The following MATN2 variants were observed in gnomAD, a reference collection of about 807,000 sequenced individuals.
The protein encoded by MATN2 is matrilin 2.
MATN2 carries 69 observed loss-of-function variants against 103.2 expected under a neutral mutation model. The observed-to-expected ratio is 0.67, with a 90% CI of 0.55 to 0.82. The LOEUF (loss-of-function observed/expected upper bound fraction) is 0.82. Among genes scored for constraint, MATN2 ranks in the 40% least tolerant of loss-of-function variants. The pLI, the probability that MATN2 is intolerant of heterozygous loss-of-function variation, is 0.00. For synonymous variants in MATN2, 429 were observed against 450.2 expected (o/e 0.95, Z 0.60); for missense variants, 1,023 against 1,211.5 (o/e 0.84, Z 2.31).
At chr8:98,034,399 T>A (rs547379742) in intron 18 of MATN2, 3 of 318,538 alleles carry the variant, frequency 9.4e-6, no homozygotes, top group African/African-American at 6.4e-5. Context: ...TCAACTAGTC[T>A]ATAGGGAAAT....
chr8:97,924,649 A>G lies in MATN2; in HGVS notation c.143-6304A>G, dbSNP rs559530005. ...CGCTTGTCGAGGAGTAAGAATGGGA[A>G]CCATCAGTGGCTTGACTTACTGGGC... On this transcript the variant is annotated intron_variant, in intron 2 of 18. Transcript: ENST00000254898. Among the ~76,000 whole-genome samples the G allele has an allele frequency of 2.0e-5, 3 of 151,880 alleles. No homozygotes were observed. In the East Asian group the frequency reaches 5.8e-4, roughly 29 times the overall value.
intron 2 of MATN2, among the ~76,000 whole-genome samples, chr8:97,921,853 C>G (rs556410867): frequency 2.6e-5 from 4 of 152,316 alleles, no homozygotes; most frequent in Admixed American, 2.6e-4. Flanking sequence ...TGCGTACAGC[C>G]GGGGTTCCCA....
intron 5 of MATN2, among the ~76,000 whole-genome samples, chr8:97,978,623 T>C (rs185502043): frequency 1.5e-3 from 233 of 152,358 alleles, no homozygotes; most frequent in Non-Finnish European, 2.8e-3. Flanking sequence ...ATGATTTTGA[T>C]TTGCAATTCT....
intron 7 of MATN2, among the ~76,000 whole-genome samples, chr8:98,000,604 A>AAAAAAAAAACAAAAG (rs1554613598): frequency 7.9e-6 from 1 of 127,208 alleles, no homozygotes; most frequent in Non-Finnish European, 1.7e-5. Context: ...CTCAAAAAAA[A>AAAAAAAAAACAAAAG]AAAAAAGAAA....
At chr8:97,937,180 A>G (rs986416658) in intron 3 of MATN2, among the ~76,000 whole-genome samples, 4 of 152,160 alleles carry the variant, frequency 2.6e-5, no homozygotes, top group African/African-American at 9.7e-5. Context: ...GTACCAACCA[A>G]CAGTGGCCAG....
At chr8:97,912,582 G>A (rs1235258806) in intron 2 of MATN2, among the ~76,000 whole-genome samples, 3 of 152,172 alleles carry the variant, frequency 2.0e-5, no homozygotes, top group Non-Finnish European at 2.9e-5. Flanking sequence ...AAGCAAATTG[G>A]AGGATGAGTA....
At position 98,033,172 on chromosome 8, in the gene MATN2, T is replaced by G; in HGVS notation, c.2712T>G (p.Pro904=). The part of the protein sequence containing the change: ...STQKLSHSTK[P]SGSPLEEKHD... ...AAAAGCTTTCCCATTCAACAAAACCTTCAGGTAATTCCAAGTAAAATATTA... is the reference window on the plus strand; with the variant it reads ...AAAAGCTTTCCCATTCAACAAAACCGTCAGGTAATTCCAAGTAAAATATTA... The change falls in exon 17 of 19, where the codon CCT becomes CCG. Residue 904 remains proline, a synonymous_variant. Transcript: ENST00000254898. The G allele has an allele frequency of 6.3e-7, 1 of 1,598,988 alleles. No individual in the cohort carries two copies. Among genetic ancestry groups the G allele is most frequent in the East Asian group, 2.2e-5 (1 of 44,720 alleles).
At chr8:97,932,965 A>T (rs1196486168) in intron 3 of MATN2, among the ~76,000 whole-genome samples, 1 of 152,214 alleles carries the variant, frequency 6.6e-6, no homozygotes, top group Non-Finnish European at 1.5e-5. Context: ...AGGAGAGGGC[A>T]CCCAGGAGGG....
chr8:97,889,006 G>T (rs974996534), intron 2 of MATN2, among the ~76,000 whole-genome samples: 1 of 152,110 alleles, frequency 6.6e-6, no homozygotes. Flanking sequence ...GCCAACCTTG[G>T]AACATTTCTG....
intron 13 of MATN2, among the ~76,000 whole-genome samples, chr8:98,022,017 G>A (rs1204482724): frequency 1.3e-5 from 2 of 152,170 alleles, no homozygotes; most frequent in African/African-American, 2.4e-5. Flanking sequence ...TTATCTTACA[G>A]ATACGTGCAT....
intron 15 of MATN2, chr8:98,031,379 G>C (rs1451070904): frequency 6.6e-6 from 1 of 152,000 alleles, no homozygotes; most frequent in African/African-American, 2.4e-5. Flanking sequence ...GGGGAGGTGG[G>C]AAAGAAAAAA....
intron 1 of MATN2, among the ~76,000 whole-genome samples, chr8:97,879,793 C>T (rs1212687795): frequency 1.3e-5 from 2 of 152,220 alleles, no homozygotes; most frequent in Non-Finnish European, 2.9e-5. Flanking sequence ...AAGTTACAGA[C>T]AGCATCAGGT....
chr8:97,989,820 G>A (rs1050576872), intron 6 of MATN2, among the ~76,000 whole-genome samples: 1 of 152,088 alleles, frequency 6.6e-6, no homozygotes, highest in African/African-American at 2.4e-5. Flanking sequence ...CAGGACACAA[G>A]ATCAATATAC....
At chr8:98,000,039 C>G (rs1357869250) in intron 7 of MATN2, among the ~76,000 whole-genome samples, 2 of 151,754 alleles carry the variant, frequency 1.3e-5, no homozygotes, top group African/African-American at 2.4e-5. Flanking sequence ...TACCACCATG[C>G]CTGGCTGATT....
chr8:97,996,073 T>C (rs1048813682), intron 7 of MATN2, among the ~76,000 whole-genome samples: 1 of 152,142 alleles, frequency 6.6e-6, no homozygotes, highest in Non-Finnish European at 1.5e-5. Flanking sequence ...GGACTCAAAT[T>C]TGCAGACCCA....
intron 2 of MATN2, among the ~76,000 whole-genome samples, chr8:97,916,316 CA>C (rs1170433304): frequency 3.9e-5 from 6 of 152,116 alleles, no homozygotes; most frequent in African/African-American, 1.4e-4. Context: ...GTGATCTGCC[CA>C]CCTTGGTCTC....
At chr8:97,946,517 A>G (rs1288381568) in intron 4 of MATN2, among the ~76,000 whole-genome samples, 1 of 152,218 alleles carries the variant, frequency 6.6e-6, no homozygotes, top group Non-Finnish European at 1.5e-5. Flanking sequence ...GGGGGAAAGA[A>G]AACCTCATGA....
At chr8:98,002,527 A>T (rs1812823433) in intron 7 of MATN2, among the ~76,000 whole-genome samples, 1 of 152,222 alleles carries the variant, frequency 6.6e-6, no homozygotes, top group Non-Finnish European at 1.5e-5. Context: ...TGATCAGGTT[A>T]ACCTGAGAGA....
chr8:97,915,792 G>T (rs75944857), intron 2 of MATN2, among the ~76,000 whole-genome samples: 1,591 of 152,240 alleles, frequency 0.01, 24 homozygotes, highest in African/African-American at 0.035. Flanking sequence ...TTTTTACTTT[G>T]CAGAGAGCAG....
Sources: gnomAD v4.1 joint callset for allele counts (sites outside exome capture counted in the v4.1 genomes callset) on GRCh38, gnomAD v4.1.1 for gene constraint, MANE v1.5 for transcripts, NCBI Gene and HGNC (gene_info 2026-07-23, HGNC 2026-07-21) for gene names.